The following SAMD12 variants were observed in gnomAD, a reference collection of about 807,000 sequenced individuals.
SAMD12 encodes the protein sterile alpha motif domain containing 12.
Under a neutral mutation model 15.0 loss-of-function variants are expected in SAMD12, and 9 were observed. The observed-to-expected ratio is 0.60, with a 90% CI of 0.36 to 1.05. SAMD12 has a LOEUF of 1.05. Among genes scored for constraint, SAMD12 ranks in the 50% least tolerant of loss-of-function variants. The pLI is 0.01. For missense variants in SAMD12, 230 were observed against 234.2 expected (o/e 0.98, Z 0.12); for synonymous variants, 86 against 90.1 (o/e 0.96, Z 0.25).
chr8:118,276,146 T>C (rs1489295688), intron 4 of SAMD12, among the ~76,000 whole-genome samples: 1 of 152,234 alleles, frequency 6.6e-6, no homozygotes, highest in Non-Finnish European at 1.5e-5. Context: ...GTTGTTGGAA[T>C]AGTGTTCCAT....
intron 2 of SAMD12, among the ~76,000 whole-genome samples, chr8:118,563,595 A>C (rs1826768596): frequency 6.6e-6 from 1 of 152,242 alleles, no homozygotes; most frequent in East Asian, 1.9e-4. Flanking sequence ...CATTTCCCTC[A>C]TAAATATCCT....
At chr8:118,287,823 T>C (rs962116066) in intron 4 of SAMD12, among the ~76,000 whole-genome samples, 1 of 152,186 alleles carries the variant, frequency 6.6e-6, no homozygotes, top group African/African-American at 2.4e-5. Context: ...TATGAGTGCA[T>C]AGGCTCTTGA....
intron 2 of SAMD12, among the ~76,000 whole-genome samples, chr8:118,561,997 A>C (rs1826714542): frequency 6.6e-6 from 1 of 152,232 alleles, no homozygotes; most frequent in African/African-American, 2.4e-5. Flanking sequence ...AAAAGAAAAA[A>C]ATTAGAAAAA....
At chr8:118,419,041 C>A (rs1031115741) in intron 3 of SAMD12, among the ~76,000 whole-genome samples, 1 of 152,152 alleles carries the variant, frequency 6.6e-6, no homozygotes. Context: ...ATTCTAGATT[C>A]CTGGTTCTCC....
chr8:118,456,819 C>T (rs971064981), intron 2 of SAMD12, among the ~76,000 whole-genome samples: 7 of 152,204 alleles, frequency 4.6e-5, no homozygotes, highest in African/African-American at 9.6e-5. Flanking sequence ...TGTCACTGTA[C>T]ACTTTTTATT....
At chr8:118,230,764 T>C (rs540289988) in intron 4 of SAMD12, among the ~76,000 whole-genome samples, 2 of 152,040 alleles carry the variant, frequency 1.3e-5, no homozygotes, top group African/African-American at 4.8e-5. Context: ...ACTTGAGGTA[T>C]TCAAGAAAGG....
chr8:118,425,749 G>A (rs958296798), intron 3 of SAMD12, among the ~76,000 whole-genome samples: 1 of 152,182 alleles, frequency 6.6e-6, no homozygotes, highest in African/African-American at 2.4e-5. Flanking sequence ...CTGGTCAAAG[G>A]TGAGGCAGTA....
intron 2 of SAMD12, among the ~76,000 whole-genome samples, chr8:118,511,943 T>C (rs1194249029): frequency 6.6e-6 from 1 of 152,192 alleles, no homozygotes; most frequent in Non-Finnish European, 1.5e-5. Context: ...CCCTTTCTGA[T>C]TGTCAATGAA....
chr8:118,599,562 G>A (rs1269810667), intron 1 of SAMD12, among the ~76,000 whole-genome samples: 2 of 152,124 alleles, frequency 1.3e-5, no homozygotes, highest in East Asian at 3.9e-4. Flanking sequence ...CGGTAGTTTT[G>A]TCCCAGTTCA....
chr8:118,419,659 A>G (rs759029553), intron 3 of SAMD12, among the ~76,000 whole-genome samples: 19 of 152,150 alleles, frequency 1.2e-4, no homozygotes, highest in Non-Finnish European at 2.1e-4. Flanking sequence ...CTCATTTTGC[A>G]AAGGTAAGTA....
chr8:118,363,693 T>C (rs1818621833), intron 4 of SAMD12, among the ~76,000 whole-genome samples: 2 of 152,208 alleles, frequency 1.3e-5, no homozygotes, highest in Non-Finnish European at 2.9e-5. Context: ...ATCAGCAGAT[T>C]CTTTATAATA....
chr8:118,423,729 T>C (rs187988719), intron 3 of SAMD12, among the ~76,000 whole-genome samples: 1 of 152,190 alleles, frequency 6.6e-6, no homozygotes, highest in African/African-American at 2.4e-5. Context: ...CCTCTGGGCT[T>C]GTATAACATG....
At chr8:118,212,529 C>T (rs1811858432) in intron 4 of SAMD12, among the ~76,000 whole-genome samples, 1 of 152,170 alleles carries the variant, frequency 6.6e-6, no homozygotes, top group Admixed American at 6.5e-5. Context: ...AAACGAAACA[C>T]ACCTTCATCT....
intron 4 of SAMD12, among the ~76,000 whole-genome samples, chr8:118,369,728 A>G (rs545330035): frequency 9.1e-4 from 139 of 152,186 alleles, no homozygotes; most frequent in African/African-American, 3.2e-3. Flanking sequence ...AAAAAATAAA[A>G]TATAAAAAAC....
At chr8:118,300,339 A>G (rs146981123) in intron 4 of SAMD12, among the ~76,000 whole-genome samples, 1 of 152,092 alleles carries the variant, frequency 6.6e-6, no homozygotes, top group East Asian at 1.9e-4. Flanking sequence ...AGTTTCTCCT[A>G]TTCTCTGTTC....
At chr8:118,481,793 C>A (rs1033898945) in intron 2 of SAMD12, among the ~76,000 whole-genome samples, 1 of 151,828 alleles carries the variant, frequency 6.6e-6, no homozygotes, top group Non-Finnish European at 1.5e-5. Context: ...TAATAAAACT[C>A]CAAAATACAG....
Position 118,379,424 on chromosome 8 carries a change from T to C in SAMD12, c.599A>G (p.Gln200Arg). ...TTTCAAAGGGAAGTAATCTTAAATC[T>C]GTATACTATTTTCTATGATGGAAAT... ...HRISIIENSIQI is the reference protein window; with the variant it reads ...HRISIIENSIRI The change falls in exon 4 of 4, where the codon CAG becomes CGG. Residue 200 changes from glutamine (Q) to arginine (R), a missense_variant. Gln to Arg is a conservative substitution (Grantham distance 43). Coordinates refer to ENST00000314727, the MANE Select transcript of SAMD12 (RefSeq NM_207506.3). The C allele has an allele frequency of 1.9e-6, 3 of 1,613,110 alleles. No individual in the cohort carries two copies. The highest frequency in any genetic ancestry group is 2.5e-6 in the Non-Finnish European group (3 of 1,179,472).
At chr8:118,460,847 G>A (rs2130937047) in intron 2 of SAMD12, among the ~76,000 whole-genome samples, 1 of 152,282 alleles carries the variant, frequency 6.6e-6, no homozygotes. Context: ...ATGCAAGGAT[G>A]AAACGGACCC....
chr8:118,563,193 T>G (rs1826757319), intron 2 of SAMD12, among the ~76,000 whole-genome samples: 1 of 152,212 alleles, frequency 6.6e-6, no homozygotes, highest in Non-Finnish European at 1.5e-5. Context: ...AGCCGCCTAT[T>G]TCATAAATTT....
Sources: allele counts gnomAD v4.1 joint callset (sites outside exome capture counted in the v4.1 genomes callset), GRCh38; gene constraint gnomAD v4.1.1; transcripts MANE v1.5; gene names NCBI Gene and HGNC (gene_info 2026-07-23, HGNC 2026-07-21).